PACS2: variants seen among roughly 807,000 people sequenced by gnomAD.
PACS2 encodes PACS1-like protein.
Under a neutral mutation model 113.0 loss-of-function variants are expected in PACS2, and 36 were observed. That is an observed-to-expected ratio of 0.32 (90% CI 0.24 to 0.42). The LOEUF (loss-of-function observed/expected upper bound fraction) is 0.42. Among genes scored for constraint, PACS2 ranks in the 10% least tolerant of loss-of-function variants. The pLI is 1.00. For synonymous variants in PACS2, 589 were observed against 536.1 expected (o/e 1.10, Z -1.36); for missense variants, 1,015 against 1,239.5 (o/e 0.82, Z 2.72).
At chr14:105,350,728 C>T (rs587605804) in intron 2 of PACS2, among the ~76,000 whole-genome samples, 5 of 152,354 alleles carry the variant, frequency 3.3e-5, no homozygotes, top group Admixed American at 6.5e-5. Flanking sequence ...CTGTCCTTTT[C>T]CCGACACAGC....
intron 2 of PACS2, among the ~76,000 whole-genome samples, chr14:105,349,514 C>T (rs1022974133): frequency 3.9e-5 from 6 of 152,362 alleles, no homozygotes; most frequent in Middle Eastern, 6.8e-3. Flanking sequence ...GGCTCTGACA[C>T]GGGGTCTCCG....
chr14:105,363,384 A>G (rs779769002), intron 4 of PACS2, among the ~76,000 whole-genome samples: 27 of 152,232 alleles, frequency 1.8e-4, no homozygotes, highest in Non-Finnish European at 2.9e-4. Context: ...GATCTGAACT[A>G]GACCTTCTAG....
rs2060561082 is a variant in PACS2 at position 105,358,894 on chromosome 14, C to T, written c.423+3717C>T. Among the ~76,000 whole-genome samples, 1 of 152,230 alleles carries T rather than the reference C, an allele frequency of 6.6e-6. No homozygotes were observed. Among genetic ancestry groups the T allele is most frequent in the Admixed American group, 6.5e-5 (1 of 15,286 alleles). On this transcript the variant is annotated intron_variant, in intron 4 of 24. Coordinates refer to ENST00000447393, the MANE Select transcript of PACS2 (RefSeq NM_001100913.3). This position sits in a 1 kb window ranked among gnomAD's most constrained non-coding sequence, Gnocchi z 4.9. The stretch of plus-strand genomic sequence containing the variant: ...CTCTCTATGAGTGTCTGCACAGCCA[C>T]AGGCTGCTGATGACAGCCCAGTCAG...
intron 1 of PACS2, among the ~76,000 whole-genome samples, chr14:105,316,685 CTG>C (rs896306141): frequency 1.3e-5 from 2 of 151,484 alleles, no homozygotes; most frequent in Non-Finnish European, 2.9e-5. Context: ...AAAGCCCACT[CTG>C]GTGTCTGTGG....
At chr14:105,359,715 C>G (rs1555406062) in intron 4 of PACS2, among the ~76,000 whole-genome samples, 1 of 151,886 alleles carries the variant, frequency 6.6e-6, no homozygotes, top group South Asian at 2.1e-4. Context: ...CCTCAGCCTC[C>G]CGAGTAGCTG....
rs1432720143 is a variant in PACS2, at chr14:105,315,129, C to T, written c.119+92C>T. Reference sequence around the variant, plus strand: ...TGCGCGCCCCATCCCCGGCCCGGGTCCCCCAGCGGAGCCCAGGTCGCCCCC... The same window carrying T: ...TGCGCGCCCCATCCCCGGCCCGGGTTCCCCAGCGGAGCCCAGGTCGCCCCC... On this transcript the variant is annotated intron_variant, in intron 1 of 24. Transcript: ENST00000447393. This position sits in a 1 kb window ranked among gnomAD's most constrained non-coding sequence, Gnocchi z 4.4. The T allele has an allele frequency of 3.8e-6, 3 of 798,498 alleles. No individual in the cohort carries two copies. The highest frequency in any genetic ancestry group is 4.6e-6 in the Non-Finnish European group (3 of 650,140). The allele number at this position is 798,498 out of a possible 1,614,324, so 49.5% of individuals were successfully genotyped here. A position where few individuals can be genotyped will look rare whatever the true frequency, so the allele number is the denominator to read the frequency against.
chr14:105,387,397 G>A (rs1426820260), intron 19 of PACS2, among the ~76,000 whole-genome samples: 2 of 152,252 alleles, frequency 1.3e-5, no homozygotes, highest in African/African-American at 4.8e-5. Context: ...GCGCATGGGT[G>A]GAAAGGGCTG....
At chr14:105,384,309 T>C in intron 16 of PACS2, 44 bp from the exon 17 acceptor site, 1 of 1,205,456 alleles carries the variant, frequency 8.3e-7, no homozygotes. Flanking sequence ...GCCTTGCAGC[T>C]CCGAGTCCCC....
chr14:105,377,495 G>C (rs916034193), intron 9 of PACS2, among the ~76,000 whole-genome samples: 39 of 152,280 alleles, frequency 2.6e-4, no homozygotes, highest in African/African-American at 9.1e-4. Flanking sequence ...GGGCAGGAAG[G>C]CAAGCACACC....
chr14:105,308,081 G>A (rs2058242584), intron 1 of PACS2, among the ~76,000 whole-genome samples: 2 of 152,150 alleles, frequency 1.3e-5, no homozygotes, highest in Admixed American at 1.3e-4. Context: ...TACTTGGGAG[G>A]CTGAGGCAGG....
chr14:105,385,680 A>G lies in PACS2; in HGVS notation c.2001-5A>G. On this transcript the variant is annotated splice_polypyrimidine_tract_variant and splice_region_variant and intron_variant, in intron 18 of 24. Coordinates refer to ENST00000447393, the MANE Select transcript of PACS2 (RefSeq NM_001100913.3). ...TGTTTTCTCTTTTGGTGGCTTTCTG[A>G]AAAGGAAAAAGCATTTTCATTTTGA... 2 of 1,520,682 alleles carry G rather than the reference A, an allele frequency of 1.3e-6. No individual in the cohort carries two copies. The highest frequency in any genetic ancestry group is 2.4e-5 in the South Asian group (2 of 82,172). 94.2% of individuals were successfully genotyped at this position (1,520,682 alleles called of 1,614,324 possible).
intron 1 of PACS2, among the ~76,000 whole-genome samples, chr14:105,319,618 C>G (rs1007911816): frequency 6.6e-6 from 1 of 152,098 alleles, no homozygotes; most frequent in Non-Finnish European, 1.5e-5. Context: ...TATGTTTTGT[C>G]TTTTGCAAAA....
intron 1 of PACS2, among the ~76,000 whole-genome samples, chr14:105,334,491 C>T (rs587657085): frequency 6.6e-6 from 1 of 151,342 alleles, no homozygotes; most frequent in Non-Finnish European, 1.5e-5. Flanking sequence ...GGCCCAGTGT[C>T]TACGTAGAGC....
intron 1 of PACS2, among the ~76,000 whole-genome samples, chr14:105,304,141 T>C (rs2058110590): frequency 6.6e-6 from 1 of 151,998 alleles, no homozygotes; most frequent in Non-Finnish European, 1.5e-5. Context: ...CAGGACAGGA[T>C]TGGCCAGAGG....
chr14:105,391,695 T>G lies in PACS2; in HGVS notation c.2184T>G (p.Ser728=), dbSNP rs1284690658. 1 of 1,606,570 alleles carries G rather than the reference T, an allele frequency of 6.2e-7. No homozygotes were observed. The highest frequency in any genetic ancestry group is 8.5e-7 in the Non-Finnish European group (1 of 1,177,402). The change falls in exon 22 of 25, where the codon TCT becomes TCG. Residue 728 remains serine (S), a synonymous_variant. Transcript: ENST00000447393. ...GTLSSTPPSA[S]PAAKEASPTP... ...TCTCCTCCACCCCGCCGTCCGCATC[T>G]CCTGCGGCCAAGGAGGCCTCACCCA...
intron 1 of PACS2, among the ~76,000 whole-genome samples, chr14:105,306,439 G>A (rs1453377599): frequency 6.6e-6 from 1 of 152,122 alleles, no homozygotes; most frequent in Non-Finnish European, 1.5e-5. Flanking sequence ...GATTAGCTGG[G>A]ATTACAGGTG....
In PACS2 at chr14:105,357,737, G is replaced by T. The variant is rs587728705; in HGVS notation, c.423+2560G>T. On this transcript the variant is annotated intron_variant, in intron 4 of 24. Transcript: ENST00000447393. This position sits in a 1 kb window ranked among gnomAD's most constrained non-coding sequence, Gnocchi z 5.1. Reference sequence around the variant, plus strand: ...GGGGGCTCTCACCAGCTGGGCTCAGGCAGCTGTGCCATGGGGGCTTGCTGG... The same window carrying T: ...GGGGGCTCTCACCAGCTGGGCTCAGTCAGCTGTGCCATGGGGGCTTGCTGG... 2.0e-4 allele frequency among the ~76,000 whole-genome samples: 30 copies of T among 152,316 alleles called. No homozygotes were observed. Among genetic ancestry groups the T allele is most frequent in the Non-Finnish European group, 3.8e-4 (26 of 68,022 alleles).
chr14:105,392,147 G>A lies in PACS2; in HGVS notation c.2255+381G>A, dbSNP rs917657112. On this transcript the variant is annotated intron_variant, in intron 22 of 24. Transcript: ENST00000447393. ...AGCTGTGCTGAGGCCCCGCTAGCCC[G>A]CCCGGGTCTCTCCGGAGCAGACCTC... is the stretch of plus-strand genomic sequence containing the variant. The A allele has an allele frequency of 7.2e-4, 236 of 327,312 alleles. 1 individual carries two copies. The highest frequency in any genetic ancestry group is 3.8e-4 in the Non-Finnish European group (68 of 176,918). The allele number at this position is 327,312 out of a possible 1,614,324, so 20.3% of individuals were successfully genotyped here. A position where few individuals can be genotyped will look rare whatever the true frequency, so the allele number is the denominator to read the frequency against.
chr14:105,370,577 G>A (rs1414244702), intron 8 of PACS2: 1 of 152,242 alleles, frequency 6.6e-6, no homozygotes, highest in African/African-American at 2.4e-5. Flanking sequence ...AGCTGTGGGT[G>A]GTGGTGTGCA....
Sources: allele counts gnomAD v4.1 joint callset (sites outside exome capture counted in the v4.1 genomes callset), GRCh38; gene constraint gnomAD v4.1.1; non-coding constraint Gnocchi (gnomAD v3.1); transcripts MANE v1.5; gene names NCBI Gene and HGNC (gene_info 2026-07-23, HGNC 2026-07-21).